The following NRP1 variants were observed in gnomAD, a reference collection of about 807,000 sequenced individuals.
NRP1 encodes neuropilin-1.
A neutral mutation model predicts 106.7 loss-of-function variants in NRP1; 35 were observed. The observed-to-expected ratio is 0.33, with a 90% CI of 0.25 to 0.43. The LOEUF (loss-of-function observed/expected upper bound fraction) is 0.43. Among genes scored for constraint, NRP1 ranks in the 20% least tolerant of loss-of-function variants. NRP1 has a pLI of 1.00. For missense variants in NRP1, 1,024 were observed against 1,170.4 expected (o/e 0.87, Z 1.83); for synonymous variants, 437 against 417.9 (o/e 1.05, Z -0.56).
intron 6 of NRP1, among the ~76,000 whole-genome samples, chr10:33,243,875 G>C (rs188633444): frequency 7.0e-6 from 1 of 143,168 alleles, no homozygotes; most frequent in Non-Finnish European, 1.5e-5. Context: ...AATGAGATTA[G>C]ATGGCTAAGG....
chr10:33,249,914 C>A (rs1370498153), intron 6 of NRP1, among the ~76,000 whole-genome samples: 2 of 151,542 alleles, frequency 1.3e-5, no homozygotes, highest in South Asian at 4.2e-4. Flanking sequence ...TTTTTTAATG[C>A]CACTCAGTAA....
rs368815672 is a variant in NRP1, at chr10:33,207,748, GA to G, written c.1615-33del. On this transcript the variant is annotated intron_variant, in intron 9 of 16. Transcript: ENST00000374867. Reference sequence around the variant, plus strand: ...AGCATGGAAAACACAGGGCATTAAGGAAAAAAAAAAACAGAGCTCCCTTTTA... The same window carrying G: ...AGCATGGAAAACACAGGGCATTAAGGAAAAAAAAAACAGAGCTCCCTTTTA... The G allele has an allele frequency of 6.0e-3, 7,521 of 1,263,098 alleles. 66 individuals are homozygous for G. Among genetic ancestry groups the G allele is most frequent in the African/African-American group, 0.055 (3,434 of 62,870 alleles). 78.2% of individuals were successfully genotyped at this position (1,263,098 alleles called of 1,614,324 possible). A position where few individuals can be genotyped will look rare whatever the true frequency, so the allele number is the denominator to read the frequency against.
intron 2 of NRP1, among the ~76,000 whole-genome samples, chr10:33,289,654 T>G (rs1018102616): frequency 5.9e-5 from 9 of 152,232 alleles, no homozygotes; most frequent in African/African-American, 1.7e-4. Flanking sequence ...TAGCGTGTGT[T>G]AGATACACAT....
intron 6 of NRP1, among the ~76,000 whole-genome samples, chr10:33,251,450 G>C (rs1324940850): frequency 6.6e-6 from 1 of 152,176 alleles, no homozygotes; most frequent in Non-Finnish European, 1.5e-5. Context: ...TGTCCCCCAA[G>C]TCTGGGTCCT....
intron 15 of NRP1, among the ~76,000 whole-genome samples, chr10:33,183,047 T>C (rs1302045711): frequency 1.3e-5 from 2 of 152,098 alleles, no homozygotes; most frequent in Admixed American, 6.6e-5. Context: ...GAGACAAGGG[T>C]GGGCTGGGTA....
Position 33,334,195 on chromosome 10 carries a change from C to T in NRP1, c.73+115G>A, listed in dbSNP as rs1279921189. The stretch of plus-strand genomic sequence containing the variant: ...TCCTCCCAGATAAAAGTTTCCTTCG[C>T]CCGGGAGTCGGTTGTTCCCGGCTGA... On this transcript the variant is annotated intron_variant, in intron 1 of 16. Coordinates refer to ENST00000374867, the MANE Select transcript of NRP1 (RefSeq NM_003873.7). The T allele has an allele frequency of 2.0e-5, 18 of 906,076 alleles. 1 individual carries two copies. In the South Asian group the frequency reaches 2.4e-4, roughly 12 times the overall value. The allele number at this position is 906,076 out of a possible 1,614,324, so 56.1% of individuals were successfully genotyped here.
intron 2 of NRP1, among the ~76,000 whole-genome samples, chr10:33,301,629 T>C (rs1479887953): frequency 1.3e-5 from 2 of 152,142 alleles, no homozygotes; most frequent in South Asian, 2.1e-4. Context: ...TGCGCGTGAC[T>C]CTCAGCCACT....
chr10:33,209,154 G>C (rs1043857154), intron 9 of NRP1, among the ~76,000 whole-genome samples: 16 of 152,056 alleles, frequency 1.1e-4, no homozygotes, highest in Non-Finnish European at 2.2e-4. Context: ...TGATCTGCCT[G>C]CCTTGGCCTC....
At chr10:33,295,560 T>A (rs1287625867) in intron 2 of NRP1, among the ~76,000 whole-genome samples, 1 of 152,002 alleles carries the variant, frequency 6.6e-6, no homozygotes, top group Non-Finnish European at 1.5e-5. Context: ...AATTTTTAAG[T>A]TAGTCAGGCA....
At chr10:33,194,026 T>C (rs977915202) in intron 12 of NRP1, among the ~76,000 whole-genome samples, 45 of 152,164 alleles carry the variant, frequency 3.0e-4, no homozygotes, top group African/African-American at 1.1e-3. Context: ...CAGGCTATAT[T>C]TCACAGCTGT....
chr10:33,295,111 G>C (rs1845293132), intron 2 of NRP1, among the ~76,000 whole-genome samples: 1 of 152,200 alleles, frequency 6.6e-6, no homozygotes, highest in Admixed American at 6.5e-5. Context: ...CATATAAGGA[G>C]TACTGCCATG....
chr10:33,238,146 C>T (rs1840726621), intron 6 of NRP1, among the ~76,000 whole-genome samples: 1 of 152,178 alleles, frequency 6.6e-6, no homozygotes, highest in Non-Finnish European at 1.5e-5. Context: ...TCCAAGCATT[C>T]CTGGGAATGA....
At chr10:33,192,512 G>A in intron 12 of NRP1, 94 bp from the exon 13 acceptor site, 2 of 1,318,874 alleles carry the variant, frequency 1.5e-6, no homozygotes, top group Non-Finnish European at 1.1e-6. Context: ...CTCATGGAAA[G>A]CACGATTTAT....
chr10:33,309,224 C>T (rs1335519406), intron 2 of NRP1, among the ~76,000 whole-genome samples: 3 of 152,188 alleles, frequency 2.0e-5, no homozygotes, highest in African/African-American at 7.2e-5. Context: ...CTCAAATGTA[C>T]TACAGATGGC....
chr10:33,261,685 TCA>T (rs1255626049), intron 4 of NRP1, among the ~76,000 whole-genome samples: 1 of 152,170 alleles, frequency 6.6e-6, no homozygotes, highest in Admixed American at 6.5e-5. Flanking sequence ...CTAAATTGAA[TCA>T]CACTAATAAT....
chr10:33,310,721 C>T (rs142611551), intron 2 of NRP1, among the ~76,000 whole-genome samples: 1 of 152,306 alleles, frequency 6.6e-6, no homozygotes, highest in African/African-American at 2.4e-5. Flanking sequence ...TTTACTGCCG[C>T]CAGTCACCTT....
intron 1 of NRP1, among the ~76,000 whole-genome samples, chr10:33,333,933 T>C (rs1848451495): frequency 6.6e-6 from 1 of 152,160 alleles, no homozygotes; most frequent in Non-Finnish European, 1.5e-5. Context: ...TAAGATCTCC[T>C]GGTAAAGTGT....
chr10:33,248,438 G>A (rs1841589694), intron 6 of NRP1, among the ~76,000 whole-genome samples: 1 of 152,180 alleles, frequency 6.6e-6, no homozygotes, highest in Non-Finnish European at 1.5e-5. Flanking sequence ...CTTAGAAGAA[G>A]GGCATTTACT....
Position 33,334,366 on chromosome 10 carries a change from G to T in NRP1, c.17C>A (p.Pro6Gln). The change falls in exon 1 of 17, where the codon CCG becomes CAG. Residue 6 changes from proline (P) to glutamine (Q), a missense_variant. Physicochemically the swap from Pro to Gln is moderately conservative, Grantham distance 76. This residue lies in a region of NRP1 where 279 missense variants were observed against 327.4 expected (regional missense o/e 0.85). Transcript: ENST00000374867. ...GAGGGCGAGCACGGCGCAGAGGAGC[G>T]GCAGCCCCCTCTCCATTCTCCCTTC... MERGL[P>Q]LLCAVLALVL... 6.5e-7 allele frequency: 1 copy of T among 1,546,082 alleles called. No homozygotes were observed. The highest frequency in any genetic ancestry group is 8.7e-7 in the Non-Finnish European group (1 of 1,147,250).
Sources: allele counts gnomAD v4.1 joint callset (sites outside exome capture counted in the v4.1 genomes callset), GRCh38; gene constraint gnomAD v4.1.1; regional missense constraint gnomAD v4.1.1; transcripts MANE v1.5; gene names NCBI Gene and HGNC (gene_info 2026-07-23, HGNC 2026-07-21).